Variants in PCDH15 observed in about 807,000 individuals in gnomAD.
PCDH15 encodes the protein protocadherin related 15.
PCDH15 carries 129 observed loss-of-function variants against 178.5 expected under a neutral mutation model. That is an observed-to-expected ratio of 0.72 (90% CI 0.63 to 0.84). The LOEUF (loss-of-function observed/expected upper bound fraction) is 0.84, where lower values mean the gene tolerates loss of function less well. Among genes scored for constraint, PCDH15 ranks in the 40% least tolerant of loss-of-function variants. PCDH15 has a pLI of 0.00. For synonymous variants in PCDH15, 800 were observed against 732.0 expected (o/e 1.09, Z -1.50); for missense variants, 2,230 against 2,099.9 (o/e 1.06, Z -1.21).
At chr10:54,044,688 A>G (rs893701003) in intron 18 of PCDH15, among the ~76,000 whole-genome samples, 9 of 152,170 alleles carry the variant, frequency 5.9e-5, no homozygotes, top group Non-Finnish European at 1.0e-4. Flanking sequence ...AAGATCTATA[A>G]GGATGGCTAT....
intron 1 of PCDH15, among the ~76,000 whole-genome samples, chr10:54,795,643 G>T (rs1050887505): frequency 6.6e-6 from 1 of 151,798 alleles, no homozygotes; most frequent in African/African-American, 2.4e-5. Flanking sequence ...CAACGTGCAA[G>T]GCCACAAATG....
intron 18 of PCDH15, among the ~76,000 whole-genome samples, chr10:54,053,253 G>T (rs1379278342): frequency 6.6e-6 from 1 of 152,142 alleles, no homozygotes; most frequent in African/African-American, 2.4e-5. Flanking sequence ...ATGTTTAGAT[G>T]CTGACATATA....
intron 2 of PCDH15, among the ~76,000 whole-genome samples, chr10:55,390,149 T>A (rs1218398444): frequency 6.6e-6 from 1 of 152,102 alleles, no homozygotes; most frequent in Non-Finnish European, 1.5e-5. Context: ...TTCCAAGACA[T>A]ATAAAATTTA....
chr10:55,354,919 C>A (rs926685035), intron 2 of PCDH15, among the ~76,000 whole-genome samples: 2 of 152,042 alleles, frequency 1.3e-5, no homozygotes, highest in Non-Finnish European at 2.9e-5. Context: ...TTTCTCCCAT[C>A]CTTACACTCT....
At chr10:54,028,778 G>A in intron 18 of PCDH15, among the ~76,000 whole-genome samples, 1 of 56,526 alleles carries the variant, frequency 1.8e-5, no homozygotes, top group South Asian at 5.8e-4. Context: ...TCACACTCTG[G>A]GGACTGTTGT....
intron 1 of PCDH15, among the ~76,000 whole-genome samples, chr10:54,776,910 G>C (rs1422950899): frequency 6.6e-6 from 1 of 151,928 alleles, no homozygotes; most frequent in Non-Finnish European, 1.5e-5. Flanking sequence ...GTTAAGAGGA[G>C]GTTTATACAA....
chr10:54,521,871 C>T (rs191479029), intron 3 of PCDH15, among the ~76,000 whole-genome samples: 1 of 151,812 alleles, frequency 6.6e-6, no homozygotes, highest in Admixed American at 6.6e-5. Flanking sequence ...GGGTGGATCA[C>T]GAGGTCAGGA....
chr10:54,177,934 G>A (rs2047603851), intron 13 of PCDH15, among the ~76,000 whole-genome samples: 1 of 152,178 alleles, frequency 6.6e-6, no homozygotes, highest in Non-Finnish European at 1.5e-5. Context: ...TCAGCTTGCT[G>A]CTTGGGAAAG....
At position 55,283,341 on chromosome 10, in the gene PCDH15, G is replaced by A. The variant is rs150910099; in HGVS notation, c.-156+36258C>T. 1.7e-3 allele frequency among the ~76,000 whole-genome samples: 259 copies of A among 151,964 alleles called. 1 individual carries two copies. The highest frequency in any genetic ancestry group is 0.014 in the South Asian group (69 of 4,810). On this transcript the variant is annotated intron_variant, in intron 1 of 5. Coordinates refer to the PCDH15 transcript ENST00000458638. Reference sequence around the variant, plus strand: ...ATCAACCAGCACCCTTGACTAAATGGTGCCTTAACCACCAAAGTATCCTTA... The same window carrying A: ...ATCAACCAGCACCCTTGACTAAATGATGCCTTAACCACCAAAGTATCCTTA...
At chr10:55,467,356 G>A (rs899187119) in intron 2 of PCDH15, among the ~76,000 whole-genome samples, 2 of 143,976 alleles carry the variant, frequency 1.4e-5, no homozygotes, top group African/African-American at 5.1e-5. Context: ...GAAAAGAAAA[G>A]CCTGATCTTG....
chr10:53,974,780 T>A (rs896482747), intron 21 of PCDH15, among the ~76,000 whole-genome samples: 31 of 152,168 alleles, frequency 2.0e-4, no homozygotes, highest in Non-Finnish European at 2.5e-4. Context: ...ATTTTTTTTT[T>A]AAATTTCAAC....
intron 13 of PCDH15, among the ~76,000 whole-genome samples, chr10:54,160,886 A>T (rs1386212696): frequency 2.6e-5 from 4 of 152,202 alleles, no homozygotes; most frequent in Admixed American, 6.5e-5. Flanking sequence ...TTAACAAATG[A>T]ACTGACAATA....
In PCDH15 at chr10:54,132,870, C is replaced by G. The variant is rs1246423414; in HGVS notation, c.1917+5G>C. ...ACACACACACACACACACCAAGGAA[C>G]ATACCTGTAGATTTAATAAAACAGC... On this transcript the variant is annotated splice_donor_5th_base_variant and intron_variant, in intron 15 of 37. Coordinates refer to ENST00000644397, the MANE Select transcript of PCDH15 (RefSeq NM_001384140.1). 1 of 1,607,000 alleles carries G rather than the reference C, an allele frequency of 6.2e-7. No homozygotes were observed. The highest frequency in any genetic ancestry group is 2.3e-5 in the East Asian group (1 of 44,150).
chr10:54,672,664 A>G (rs2094697332), intron 1 of PCDH15, among the ~76,000 whole-genome samples: 1 of 152,226 alleles, frequency 6.6e-6, no homozygotes, highest in Non-Finnish European at 1.5e-5. Flanking sequence ...GAGCTTTGTA[A>G]AACAATTGCA....
chr10:54,176,846 T>C (rs2047487708), intron 13 of PCDH15, among the ~76,000 whole-genome samples: 1 of 152,174 alleles, frequency 6.6e-6, no homozygotes. Flanking sequence ...TACAGTCACC[T>C]TAGAAGACAG....
intron 5 of PCDH15, among the ~76,000 whole-genome samples, chr10:54,349,365 A>T (rs2134225582): frequency 6.6e-6 from 1 of 152,316 alleles, no homozygotes; most frequent in Non-Finnish European, 1.5e-5. Context: ...TGGAATAAAT[A>T]TTTATATGAC....
chr10:53,857,193 T>A lies in PCDH15; in HGVS notation c.3788A>T (p.Lys1263Met), dbSNP rs1386422135. Residue 1263 changes from lysine to methionine, a missense_variant, in exon 28 of 38, where the codon AAG becomes ATG. Coordinates refer to ENST00000644397, the MANE Select transcript of PCDH15 (RefSeq NM_001384140.1). ...CAATTACTCTGTAAGATCTTCTATC[T>A]TTTTTTCCACTAGAGTAGGAGGCAC... ...SNVPPTLVEK[K>M]IEDLTEILDR... 6.3e-7 allele frequency: 1 copy of A among 1,599,980 alleles called. No individual in the cohort carries two copies. The highest frequency in any genetic ancestry group is 8.6e-7 in the Non-Finnish European group (1 of 1,167,772).
chr10:55,599,892 T>A (rs1843033224), intron 2 of PCDH15: 1 of 1,510,906 alleles, frequency 6.6e-7, no homozygotes, highest in South Asian at 1.3e-5. Context: ...AAGTAGGGAC[T>A]TGTATGAATG....
chr10:54,336,303 G>A (rs911542607), intron 6 of PCDH15, among the ~76,000 whole-genome samples: 2 of 152,182 alleles, frequency 1.3e-5, no homozygotes, highest in Non-Finnish European at 2.9e-5. Flanking sequence ...ATTTGCATAA[G>A]TAATGAGGAA....
Sources: allele counts gnomAD v4.1 joint callset (sites outside exome capture counted in the v4.1 genomes callset), GRCh38; gene constraint gnomAD v4.1.1; transcripts MANE v1.5; gene names NCBI Gene and HGNC (gene_info 2026-07-23, HGNC 2026-07-21).